RAI1: variants seen among roughly 807,000 people sequenced by gnomAD.
The protein encoded by RAI1 is retinoic acid induced 1.
A neutral mutation model predicts 123.8 loss-of-function variants in RAI1; 9 were observed. That is an observed-to-expected ratio of 0.07 (90% CI 0.04 to 0.13). The LOEUF is 0.13. RAI1 is among the 10% of genes least tolerant of loss of function. RAI1 has a pLI of 1.00. For missense variants in RAI1, 2,256 were observed against 2,545.8 expected (o/e 0.89, Z 2.45); for synonymous variants, 1,231 against 1,127.3 (o/e 1.09, Z -1.84).
chr17:17,704,273 G>A (rs895624868), intron 1 of RAI1, among the ~76,000 whole-genome samples: 4 of 152,250 alleles, frequency 2.6e-5, no homozygotes, highest in African/African-American at 4.8e-5. Context: ...CCTGCACAAG[G>A]TGTGACCTTG....
intron 2 of RAI1, among the ~76,000 whole-genome samples, chr17:17,781,978 G>GA (rs2031598109): frequency 6.6e-6 from 1 of 152,178 alleles, no homozygotes; most frequent in South Asian, 2.1e-4. Flanking sequence ...TTTGCGGGGG[G>GA]AGAGCAGGAG....
rs956932726 is a variant in RAI1, at chr17:17,681,708, GCC to G, written c.-231_-230del. 1 of 308,476 alleles carries G rather than the reference GCC, an allele frequency of 3.2e-6. No individual in the cohort carries two copies. Among genetic ancestry groups the G allele is most frequent in the Non-Finnish European group, 5.9e-6 (1 of 168,168 alleles). The allele number at this position is 308,476 out of a possible 1,614,324, so 19.1% of individuals were successfully genotyped here. ...GGCCGCGGGCCGGCCGGGCCGCCGC[GCC>G]CCGACCCCCATGGCCACCCAGGCCT... On this transcript the variant is annotated 5_prime_UTR_variant, in exon 1 of 6. Coordinates refer to ENST00000353383, the MANE Select transcript of RAI1 (RefSeq NM_030665.4).
At chr17:17,747,254 G>T (rs1030798591) in intron 2 of RAI1, among the ~76,000 whole-genome samples, 1 of 152,014 alleles carries the variant, frequency 6.6e-6, no homozygotes, top group Non-Finnish European at 1.5e-5. Flanking sequence ...ACCCCCACAC[G>T]TCACCTCCCC....
intron 2 of RAI1, among the ~76,000 whole-genome samples, chr17:17,758,515 G>C (rs374175239): frequency 1.2e-4 from 19 of 152,322 alleles, no homozygotes; most frequent in South Asian, 1.0e-3. Flanking sequence ...ACAGGAAAAG[G>C]CTTCGTAAAC....
chr17:17,749,879 A>G (rs1467117310), intron 2 of RAI1, among the ~76,000 whole-genome samples: 1 of 152,268 alleles, frequency 6.6e-6, no homozygotes, highest in East Asian at 1.9e-4. Context: ...TATTTATTGA[A>G]TGAGCAAATG....
chr17:17,796,283 C>T lies in RAI1; in HGVS notation c.3335C>T (p.Pro1112Leu), dbSNP rs794727525. 4 of 1,599,986 alleles carry T rather than the reference C, an allele frequency of 2.5e-6. No individual in the cohort carries two copies. Among genetic ancestry groups the T allele is most frequent in the Non-Finnish European group, 3.4e-6 (4 of 1,171,336 alleles). ...AAGGCTGCCTCCAGCCCCAGCAACC[C>T]GGCCGCCCTGCCTGTGGCCTCCGAC... Reference protein sequence around the residue: ...SPKAASSPSNPAALPVASDSS... With the variant: ...SPKAASSPSNLAALPVASDSS... Residue 1112 changes from proline to leucine, a missense_variant, in exon 3 of 6, where the codon CCG becomes CTG. Around this residue, in one of 7 missense-constraint regions of RAI1, gnomAD observed 22 missense variants for 50.7 expected, o/e 0.43. Transcript: ENST00000353383. This position sits in a 1 kb window ranked among gnomAD's most constrained non-coding sequence, Gnocchi z 5.8.
At chr17:17,779,837 C>T (rs563633664) in intron 2 of RAI1, among the ~76,000 whole-genome samples, 5 of 148,598 alleles carry the variant, frequency 3.4e-5, no homozygotes, top group South Asian at 2.1e-4. Flanking sequence ...TGCAGTGGCG[C>T]GATCTTGGCT....
At chr17:17,746,608 T>A (rs2142977557) in intron 2 of RAI1, among the ~76,000 whole-genome samples, 1 of 151,208 alleles carries the variant, frequency 6.6e-6, no homozygotes, top group Admixed American at 6.6e-5. Flanking sequence ...GCACCATATG[T>A]GTTTTCTTTT....
intron 2 of RAI1, among the ~76,000 whole-genome samples, chr17:17,776,000 CTG>C (rs747222707): frequency 4.6e-5 from 7 of 152,270 alleles, no homozygotes; most frequent in Admixed American, 2.6e-4. Flanking sequence ...TCCCCCAAAG[CTG>C]TGTACCCACT....
At chr17:17,782,308 C>G (rs1261438151) in intron 2 of RAI1, 1 of 152,094 alleles carries the variant, frequency 6.6e-6, no homozygotes, top group Non-Finnish European at 1.5e-5. Flanking sequence ...TAAAAATAAC[C>G]CTCTCCGGCT....
intron 1 of RAI1, among the ~76,000 whole-genome samples, chr17:17,700,026 G>A (rs547993974): frequency 6.6e-6 from 1 of 152,352 alleles, no homozygotes; most frequent in African/African-American, 2.4e-5. Flanking sequence ...GGGCTCTTGG[G>A]GAGATTAAGT....
chr17:17,722,826 C>T (rs1915929781), intron 1 of RAI1, among the ~76,000 whole-genome samples: 1 of 147,020 alleles, frequency 6.8e-6, no homozygotes, highest in Admixed American at 6.7e-5. Context: ...GATGAAGGCC[C>T]CCCTCTTCTC....
chr17:17,799,897 C>G lies in RAI1; in HGVS notation c.5565+1384C>G, dbSNP rs2032395635. Among the ~76,000 whole-genome samples, 1 of 152,208 alleles carries G rather than the reference C, an allele frequency of 6.6e-6. No individual in the cohort carries two copies. Among genetic ancestry groups the G allele is most frequent in the Admixed American group, 6.5e-5 (1 of 15,288 alleles). On this transcript the variant is annotated intron_variant, in intron 3 of 5. Coordinates refer to ENST00000353383, the MANE Select transcript of RAI1 (RefSeq NM_030665.4). The surrounding 1 kb of genome is among the most constrained non-coding windows in gnomAD (Gnocchi z 4.5). ...GGCATTGCCTGGCCAAACCAAGGTC[C>G]CGGTGGGGGCCCACTGTGTTTGCCA...
At chr17:17,762,817 C>G (rs1051768995) in intron 2 of RAI1, among the ~76,000 whole-genome samples, 1 of 152,116 alleles carries the variant, frequency 6.6e-6, no homozygotes, top group African/African-American at 2.4e-5. Context: ...CCCGCCTCCC[C>G]CTCCCCACTG....
At chr17:17,687,818 TC>T (rs767572865) in intron 1 of RAI1, among the ~76,000 whole-genome samples, 57 of 151,520 alleles carry the variant, frequency 3.8e-4, no homozygotes, top group Non-Finnish European at 5.2e-4. Flanking sequence ...TCACTTGAGG[TC>T]AGGAGTTTGA....
At chr17:17,763,127 C>T (rs558546441) in intron 2 of RAI1, among the ~76,000 whole-genome samples, 1 of 152,154 alleles carries the variant, frequency 6.6e-6, no homozygotes, top group East Asian at 1.9e-4. Context: ...AACACCGTTT[C>T]CCCCAGATCC....
intron 1 of RAI1, among the ~76,000 whole-genome samples, chr17:17,688,209 G>T (rs1914706007): frequency 6.6e-6 from 1 of 151,792 alleles, no homozygotes; most frequent in Non-Finnish European, 1.5e-5. Context: ...AATAGGCAGG[G>T]CGCGGTGGCT....
rs759726949 is a variant in RAI1 at position 17,797,843 on chromosome 17, C to T, written c.4895C>T (p.Ser1632Phe). ...CACAGGAAGCCTTCCTCCTCTGCCT[C>T]CTCTTCCTCATCCTCGTCCTCGTTC... ...KPHRKPSSSASSSSSSSSFSL... is the reference protein window; with the variant it reads ...KPHRKPSSSAFSSSSSSSFSL... The change falls in exon 3 of 6, where the codon TCC becomes TTC. Residue 1632 changes from serine to phenylalanine, a missense_variant. Physicochemically the swap from Ser to Phe is radical, Grantham distance 155. This residue lies in a region of RAI1 where 410 missense variants were observed against 374.6 expected (regional missense o/e 1.09). Coordinates refer to ENST00000353383, the MANE Select transcript of RAI1 (RefSeq NM_030665.4). 5.0e-6 allele frequency: 8 copies of T among 1,614,062 alleles called. No homozygotes were observed. The South Asian group carries it at 7.7e-5, about 16-fold the overall frequency.
chr17:17,730,132 C>T (rs1916219836), intron 2 of RAI1, among the ~76,000 whole-genome samples: 2 of 152,200 alleles, frequency 1.3e-5, no homozygotes, highest in Non-Finnish European at 2.9e-5. Flanking sequence ...GAGACCCTGC[C>T]TGCGCTGGGT....
Sources: gnomAD v4.1 joint callset for allele counts (sites outside exome capture counted in the v4.1 genomes callset) on GRCh38, gnomAD v4.1.1 for gene constraint, gnomAD v4.1.1 regional missense constraint, Gnocchi (gnomAD v3.1) non-coding constraint, MANE v1.5 for transcripts, NCBI Gene and HGNC (gene_info 2026-07-23, HGNC 2026-07-21) for gene names.